ABHD2: variants seen among roughly 807,000 people sequenced by gnomAD.
ABHD2 encodes monoacylglycerol lipase ABHD2.
In ABHD2, 20 loss-of-function variants were observed where a neutral mutation model predicts 48.1. The observed-to-expected ratio is 0.42, with a 90% CI of 0.29 to 0.60. ABHD2 has a LOEUF of 0.60. Ranked by LOEUF, ABHD2 falls within the 20% of genes least tolerant of loss-of-function variation. The pLI, the probability that ABHD2 is intolerant of heterozygous loss-of-function variation, is 0.24. For synonymous variants in ABHD2, 209 were observed against 214.2 expected (o/e 0.98, Z 0.21); for missense variants, 405 against 550.9 (o/e 0.74, Z 2.65).
At chr15:89,070,264 C>A in the ABHD2 span, 1 of 152,198 alleles carries the variant, frequency 6.6e-6, no homozygotes, top group South Asian at 2.1e-4. Context: ...ATTCTATTGG[C>A]CAAAGCAAGT....
At chr15:89,087,339 T>TCCC (rs1901393453), upstream of ABHD2, 1 of 152,276 alleles carries the variant, frequency 6.6e-6, no homozygotes, top group Non-Finnish European at 1.5e-5. The surrounding 1 kb of genome is among the most constrained non-coding windows in gnomAD (Gnocchi z 5.5). Flanking sequence ...TCTCATTTCA[T>TCCC]CCCCTGCTCC....
At chr15:89,139,365 C>A (rs1276896460) in intron 3 of ABHD2, among the ~76,000 whole-genome samples, 2 of 152,252 alleles carry the variant, frequency 1.3e-5, no homozygotes, top group Admixed American at 6.5e-5. Context: ...ATTGTCTCCC[C>A]ATAGTATCAT....
intron 3 of ABHD2, among the ~76,000 whole-genome samples, chr15:89,140,125 C>T (rs1019844719): frequency 6.6e-6 from 1 of 152,152 alleles, no homozygotes; most frequent in African/African-American, 2.4e-5. Context: ...GTGACACAGC[C>T]GGTGTGTAGA....
In ABHD2 at chr15:89,155,551, G is replaced by A. The variant is rs2050658977; in HGVS notation, c.538+17G>A. ...TCACCTATGGTAAGCATGGCTAAGT[G>A]GAGTCCTCCCTTTTTCTGCAAGTGT... On this transcript the variant is annotated intron_variant, in intron 5 of 10. Coordinates refer to ENST00000352732, the MANE Select transcript of ABHD2 (RefSeq NM_152924.5). The surrounding 1 kb of genome is among the most constrained non-coding windows in gnomAD (Gnocchi z 4.9). The A allele has an allele frequency of 1.3e-6, 2 of 1,597,268 alleles. No individual in the cohort carries two copies. The highest frequency in any genetic ancestry group is 1.1e-5 in the South Asian group (1 of 90,088).
Position 89,191,428 on chromosome 15 carries a change from G to A in ABHD2, c.996+279G>A, listed in dbSNP as rs7165639. 7.1e-3 allele frequency among the ~76,000 whole-genome samples: 1,080 copies of A among 152,242 alleles called. 14 individuals are homozygous for A. Among genetic ancestry groups the A allele is most frequent in the African/African-American group, 0.025 (1,032 of 41,558 alleles). ...CTTTTTTCTTAGTCTTCCTTTGACAGTATAATCCTGTCTGGTTTCTGCCAG... is the reference window on the plus strand; with the variant it reads ...CTTTTTTCTTAGTCTTCCTTTGACAATATAATCCTGTCTGGTTTCTGCCAG... On this transcript the variant is annotated intron_variant, in intron 9 of 10. Coordinates refer to ENST00000352732, the MANE Select transcript of ABHD2 (RefSeq NM_152924.5).
rs530308162 is a variant in ABHD2, at chr15:89,195,110, G to C, written c.1082-117G>C. On this transcript the variant is annotated intron_variant, in intron 10 of 10. Coordinates refer to ENST00000352732, the MANE Select transcript of ABHD2 (RefSeq NM_152924.5). The surrounding 1 kb of genome is among the most constrained non-coding windows in gnomAD (Gnocchi z 5.1). ...AAGGCAGAGTGAGTAGAGGTTGGAT[G>C]CCCACTTAGGTGACCCTGCGGGGAC... 4.4e-5 allele frequency: 50 copies of C among 1,131,044 alleles called. 1 individual carries two copies. In the South Asian group the frequency reaches 6.0e-4, roughly 14 times the overall value. 70.1% of individuals were successfully genotyped at this position (1,131,044 alleles called of 1,614,324 possible).
At position 89,120,689 on chromosome 15, in the gene ABHD2, G is replaced by C. The variant is rs571902830; in HGVS notation, c.194+4168G>C. 6.6e-6 allele frequency: 1 copy of C among 152,314 alleles called. No individual in the cohort carries two copies. Among genetic ancestry groups the C allele is most frequent in the African/African-American group, 2.4e-5 (1 of 41,548 alleles). 9.4% of individuals were successfully genotyped at this position (152,314 alleles called of 1,614,324 possible). ...TTTAATAGAGATGGGGTTTCACCCTGTTGGTCAGGCTGGTCTTGAACTGTT... is the reference window on the plus strand; with the variant it reads ...TTTAATAGAGATGGGGTTTCACCCTCTTGGTCAGGCTGGTCTTGAACTGTT... On this transcript the variant is annotated intron_variant, in intron 3 of 10. Coordinates refer to ENST00000352732, the MANE Select transcript of ABHD2 (RefSeq NM_152924.5). This position sits in a 1 kb window ranked among gnomAD's most constrained non-coding sequence, Gnocchi z 4.2.
rs367650390 is a variant in ABHD2 at position 89,185,417 on chromosome 15, C to T, written c.723-7C>T. The stretch of plus-strand genomic sequence containing the variant: ...GCAGTCACCCTCACTCGCTGTGGTT[C>T]TTCCAGGGCCCAGGAAACCTTCATG... On this transcript the variant is annotated splice_region_variant and splice_polypyrimidine_tract_variant and intron_variant, in intron 6 of 10. Transcript: ENST00000352732. The surrounding 1 kb of genome is among the most constrained non-coding windows in gnomAD (Gnocchi z 5.9). The T allele has an allele frequency of 6.2e-7, 1 of 1,613,740 alleles. No homozygotes were observed. Among genetic ancestry groups the T allele is most frequent in the Non-Finnish European group, 8.5e-7 (1 of 1,179,700 alleles).
At chr15:89,071,526 A>T in the ABHD2 span, among the ~76,000 whole-genome samples, 1 of 152,342 alleles carries the variant, frequency 6.6e-6, no homozygotes, top group East Asian at 1.9e-4. Context: ...TGCAAACAGC[A>T]TGCAGTTTAT....
chr15:89,067,111 A>C, the ABHD2 span, among the ~76,000 whole-genome samples: 354 of 151,566 alleles, frequency 2.3e-3, 2 homozygotes, highest in East Asian at 0.02. Flanking sequence ...TACGAAGTCC[A>C]GTGGAGTTAA....
chr15:89,057,496 C>T, the ABHD2 span, among the ~76,000 whole-genome samples: 1 of 152,310 alleles, frequency 6.6e-6, no homozygotes, highest in South Asian at 2.1e-4. Context: ...GGTTAGCAAA[C>T]AGCTGAGAGT....
At chr15:89,045,203 T>C in the ABHD2 span, among the ~76,000 whole-genome samples, 1 of 151,804 alleles carries the variant, frequency 6.6e-6, no homozygotes. Flanking sequence ...TTGTCAAAGA[T>C]CAGATAGTTG....
At chr15:89,180,821 C>A (rs1212152192) in intron 6 of ABHD2, among the ~76,000 whole-genome samples, 9 of 152,188 alleles carry the variant, frequency 5.9e-5, no homozygotes, top group Admixed American at 5.9e-4. Flanking sequence ...TCCACATGTC[C>A]AGCATGGGAG....
the ABHD2 span, among the ~76,000 whole-genome samples, chr15:89,052,228 G>T: frequency 6.6e-6 from 1 of 152,130 alleles, no homozygotes; most frequent in Non-Finnish European, 1.5e-5. Flanking sequence ...CTAGGTCAAG[G>T]TCTTTTTTGT....
chr15:89,135,850 G>A, intron 3 of ABHD2: 1 of 726,538 alleles, frequency 1.4e-6, no homozygotes, highest in South Asian at 1.5e-5. Flanking sequence ...GCGATACTCA[G>A]AACAGAACAG....
rs1288383637 is a variant in ABHD2, at chr15:89,104,588, C to A, written c.-106-9137C>A. 6.6e-6 allele frequency among the ~76,000 whole-genome samples: 1 copy of A among 152,172 alleles called. No individual in the cohort carries two copies. Among genetic ancestry groups the A allele is most frequent in the Non-Finnish European group, 1.5e-5 (1 of 68,030 alleles). ...ACCAGAACGCTCAGGAACGGTGAGTCCCAGTTATTTTTATTTTCTCATTAA... is the reference window on the plus strand; with the variant it reads ...ACCAGAACGCTCAGGAACGGTGAGTACCAGTTATTTTTATTTTCTCATTAA... On this transcript the variant is annotated intron_variant, in intron 1 of 10. Transcript: ENST00000352732. The surrounding 1 kb of genome is among the most constrained non-coding windows in gnomAD (Gnocchi z 4.4).
At chr15:89,157,618 C>A (rs2050694981) in intron 5 of ABHD2, among the ~76,000 whole-genome samples, 1 of 152,110 alleles carries the variant, frequency 6.6e-6, no homozygotes, top group Non-Finnish European at 1.5e-5. Context: ...CCAAGGCAGG[C>A]AGATCACGAG....
intron 1 of ABHD2, among the ~76,000 whole-genome samples, chr15:89,111,226 T>C (rs1186747339): frequency 1.3e-5 from 2 of 152,158 alleles, no homozygotes; most frequent in Non-Finnish European, 2.9e-5. Flanking sequence ...GTTCTAATAA[T>C]AAAAATGTTT....
intron 1 of ABHD2, among the ~76,000 whole-genome samples, chr15:89,103,224 G>C (rs1046138792): frequency 1.3e-5 from 2 of 152,178 alleles, no homozygotes; most frequent in Non-Finnish European, 2.9e-5. Context: ...CTTAGCAGTT[G>C]CTTTAAAACT....
Sources: gnomAD v4.1 joint callset for allele counts (sites outside exome capture counted in the v4.1 genomes callset) on GRCh38, gnomAD v4.1.1 for gene constraint, Gnocchi (gnomAD v3.1) non-coding constraint, MANE v1.5 for transcripts, NCBI Gene and HGNC (gene_info 2026-07-23, HGNC 2026-07-21) for gene names.